The following TRIM52 variants were observed in gnomAD, a reference collection of about 807,000 sequenced individuals.
TRIM52 encodes tripartite motif containing 52, also known as E3 ubiquitin-protein ligase TRIM52.
TRIM52 carries 24 observed loss-of-function variants against 27.0 expected under a neutral mutation model. The observed-to-expected ratio is 0.89, with a 90% CI of 0.64 to 1.25. The LOEUF is 1.25. TRIM52 is among the 50% of genes most tolerant of loss of function. The pLI, the probability that TRIM52 is intolerant of heterozygous loss-of-function variation, is 0.00. For missense variants in TRIM52, 351 were observed against 354.7 expected (o/e 0.99, Z 0.08); for synonymous variants, 125 against 126.5 (o/e 0.99, Z 0.08).
At chr5:181,256,971 AAGC>A (rs1759807331) in intron 1 of TRIM52, 112 bp from the exon 2 acceptor site, 1 of 986,616 alleles carries the variant, frequency 1.0e-6, no homozygotes, top group African/African-American at 1.7e-5. Flanking sequence ...CTGATGATGG[AAGC>A]ATCTGGTCCC....
Position 181,256,369 on chromosome 5 carries a change from C to T in TRIM52, c.*440G>A, listed in dbSNP as rs1408898052. ...CAACCAACAGCAATAAAAGATGAGC[C>T]GATTTTTTTTTTTTTTTGAGATGGA... On this transcript the variant is annotated 3_prime_UTR_variant, in exon 2 of 2. Transcript: ENST00000688015. 1.4e-5 allele frequency: 2 copies of T among 146,406 alleles called. No individual in the cohort carries two copies. The highest frequency in any genetic ancestry group is 2.1e-4 in the East Asian group (1 of 4,834). 9.1% of individuals were successfully genotyped at this position (146,406 alleles called of 1,614,324 possible). A position where few individuals can be genotyped will look rare whatever the true frequency, so the allele number is the denominator to read the frequency against.
At chr5:181,251,468 CA>C (rs905686485), downstream of TRIM52, among the ~76,000 whole-genome samples, 4 of 152,028 alleles carry the variant, frequency 2.6e-5, no homozygotes, top group South Asian at 2.1e-4. Context: ...AACAAACAAA[CA>C]AAAAAACCCT....
At chr5:181,249,786 TC>T (rs1759595530), downstream of TRIM52, among the ~76,000 whole-genome samples, 1 of 151,078 alleles carries the variant, frequency 6.6e-6, no homozygotes, top group South Asian at 2.1e-4. Flanking sequence ...TTAAATCAGT[TC>T]CTGGAACAAA....
At chr5:181,259,425 A>G (rs1039757697) in intron 1 of TRIM52, 3 of 169,456 alleles carry the variant, frequency 1.8e-5, no homozygotes, top group Non-Finnish European at 3.9e-5. Context: ...AGATGCTTAT[A>G]TGCTTTGCCT....
In TRIM52 at chr5:181,260,216, G is replaced by T. The variant is rs761599053; in HGVS notation, c.598C>A (p.Gln200Lys). Residue 200 changes from glutamine to lysine, a missense_variant, in exon 1 of 2, where the codon CAG becomes AAG. By Grantham distance (53) the Gln-to-Lys change is moderately conservative. Transcript: ENST00000688015. The surrounding 1 kb of genome is among the most constrained non-coding windows in gnomAD (Gnocchi z 4.4). ...FTRRSFRPNLQLANMVQIIRQ... is the reference protein window; with the variant it reads ...FTRRSFRPNLKLANMVQIIRQ... ...ATTATCTGGACCATGTTGGCCAGCT[G>T]CAAGTTGGGACGAAAGCTGCGACGT... 4.3e-6 allele frequency: 7 copies of T among 1,614,144 alleles called. No homozygotes were observed. Among genetic ancestry groups the T allele is most frequent in the African/African-American group, 2.7e-5 (2 of 74,946 alleles).
downstream of TRIM52, chr5:181,254,336 A>G (rs2113236496): frequency 7.7e-6 from 1 of 130,464 alleles, no homozygotes. Context: ...CAATCAATCA[A>G]TCCGGTTTAG....
chr5:181,257,628 A>C, intron 1 of TRIM52: 1 of 592,700 alleles, frequency 1.7e-6, no homozygotes, highest in Non-Finnish European at 2.6e-6. Flanking sequence ...TTGGTCAGTA[A>C]AATTCTAAAT....
intron 1 of TRIM52, chr5:181,259,791 G>A (rs1759950377): frequency 7.4e-6 from 8 of 1,088,302 alleles, no homozygotes; most frequent in Middle Eastern, 6.3e-4. Context: ...AGCTTCCTCT[G>A]GGGAAGCCAA....
At chr5:181,259,694 A>G in intron 1 of TRIM52, 1 of 454,372 alleles carries the variant, frequency 2.2e-6, no homozygotes, top group Non-Finnish European at 4.0e-6. Flanking sequence ...AGTACTGGGT[A>G]TCTGTTACTC....
rs757388056 is a variant in TRIM52, at chr5:181,260,609, C to T, written c.205G>A (p.Glu69Lys). ...CCATCCATGGCCCCCACCGCTTCCT[C>T]GTCCTCCTCCTCCTCCCATTCATCT... ...EEDEWEEEEDEEAVGAMDGWD... is the reference protein window; with the variant it reads ...EEDEWEEEEDKEAVGAMDGWD... Residue 69 changes from glutamate to lysine, a missense_variant, in exon 1 of 2, where the codon GAG becomes AAG. Physicochemically the swap from Glu to Lys is moderately conservative, Grantham distance 56. Transcript: ENST00000688015. This position sits in a 1 kb window ranked among gnomAD's most constrained non-coding sequence, Gnocchi z 4.4. 6.2e-7 allele frequency: 1 copy of T among 1,613,872 alleles called. No homozygotes were observed. Among genetic ancestry groups the T allele is most frequent in the Non-Finnish European group, 8.5e-7 (1 of 1,179,982 alleles).
intron 1 of TRIM52, chr5:181,259,593 A>C (rs1438146710): frequency 1.7e-5 from 4 of 239,454 alleles, no homozygotes; most frequent in Non-Finnish European, 3.3e-5. Context: ...TGAGGTCCCA[A>C]ATGTCTATTA....
chr5:181,259,518 A>T (rs1034775748), intron 1 of TRIM52: 9 of 189,296 alleles, frequency 4.8e-5, no homozygotes. Context: ...AATTGCTATC[A>T]GTAGTTTAGG....
At chr5:181,250,395 G>A (rs192392248), downstream of TRIM52, among the ~76,000 whole-genome samples, 477 of 152,286 alleles carry the variant, frequency 3.1e-3, 1 homozygote, top group Non-Finnish European at 5.2e-3. Flanking sequence ...AATTAGCTGG[G>A]CGTGGTGGTG....
At chr5:181,254,869 A>G (rs1209818968), downstream of TRIM52, 1 of 152,236 alleles carries the variant, frequency 6.6e-6, no homozygotes, top group Non-Finnish European at 1.5e-5. Context: ...TCATAGTGCA[A>G]TGGGAGTTGA....
intron 1 of TRIM52, chr5:181,258,925 AT>A (rs1759908687): frequency 6.6e-6 from 1 of 152,210 alleles, no homozygotes; most frequent in African/African-American, 2.4e-5. Flanking sequence ...GAGGAAATAT[AT>A]TTTATAAACT....
chr5:181,260,144 G>GCC lies in TRIM52; in HGVS notation c.669_670insGG (p.Gln224GlyfsTer12), dbSNP rs746796579. Reference sequence around the variant, plus strand: ...TCCTGGTGTTTAAAGCACATGCCCTGATCATTACTCCGGTTTCCCCGATAA... The same window carrying GCC: ...TCCTGGTGTTTAAAGCACATGCCCTGCCATCATTACTCCGGTTTCCCCGATAA... On this transcript the variant is annotated frameshift_variant, in exon 1 of 2. Transcript: ENST00000688015. LOFTEE classifies it high-confidence loss of function. The surrounding 1 kb of genome is among the most constrained non-coding windows in gnomAD (Gnocchi z 4.4). 9 of 1,614,218 alleles carry GCC rather than the reference G, an allele frequency of 5.6e-6. No individual in the cohort carries two copies. The Admixed American group carries it at 1.5e-4, about 27-fold the overall frequency.
chr5:181,257,183 C>T (rs1425372781), intron 1 of TRIM52: 5 of 1,204,000 alleles, frequency 4.2e-6, no homozygotes, highest in Non-Finnish European at 5.2e-6. Flanking sequence ...TTCTTTGATT[C>T]TAGCTTGCAG....
downstream of TRIM52, among the ~76,000 whole-genome samples, chr5:181,250,348 C>T (rs1759610681): frequency 6.6e-6 from 1 of 152,062 alleles, no homozygotes; most frequent in Admixed American, 6.6e-5. Context: ...CCAGCCTGAC[C>T]AGCATGGCAA....
chr5:181,259,008 C>T (rs1045110860), intron 1 of TRIM52: 1 of 152,334 alleles, frequency 6.6e-6, no homozygotes, highest in Non-Finnish European at 1.5e-5. Context: ...TGAAGACAAC[C>T]TCTCCTTCGT....
Sources: gnomAD v4.1 joint callset for allele counts (sites outside exome capture counted in the v4.1 genomes callset) on GRCh38, gnomAD v4.1.1 for gene constraint, Gnocchi (gnomAD v3.1) non-coding constraint, MANE v1.5 for transcripts, NCBI Gene and HGNC (gene_info 2026-07-23, HGNC 2026-07-21) for gene names.